The following NREP variants were observed in gnomAD, a reference collection of about 807,000 sequenced individuals.
NREP encodes the protein neuronal regeneration-related protein.
A neutral mutation model predicts 8.6 loss-of-function variants in NREP; 5 were observed. The observed-to-expected ratio is 0.58, with a 90% CI of 0.30 to 1.22. The LOEUF (loss-of-function observed/expected upper bound fraction) is 1.22, where lower values mean the gene tolerates loss of function less well. Ranked by LOEUF, NREP falls within the 50% of genes most tolerant of loss-of-function variation. The pLI, the probability that NREP is intolerant of heterozygous loss-of-function variation, is 0.07. For synonymous variants in NREP, 27 were observed against 28.0 expected (o/e 0.96, Z 0.11); for missense variants, 86 against 82.5 (o/e 1.04, Z -0.17).
intron 2 of NREP, among the ~76,000 whole-genome samples, chr5:111,970,832 A>C (rs1181297418): frequency 6.6e-6 from 1 of 150,436 alleles, no homozygotes; most frequent in Non-Finnish European, 1.5e-5. Context: ...TCTCAAAAAA[A>C]AAAAAAAAAA....
At chr5:111,967,678 C>T (rs1467024781) in intron 2 of NREP, among the ~76,000 whole-genome samples, 1 of 151,794 alleles carries the variant, frequency 6.6e-6, no homozygotes, top group African/African-American at 2.4e-5. Context: ...CAGCTGCCGC[C>T]CCATCTGGGA....
intron 2 of NREP, among the ~76,000 whole-genome samples, chr5:111,869,661 A>C (rs1162932368): frequency 6.6e-6 from 1 of 152,180 alleles, no homozygotes; most frequent in Non-Finnish European, 1.5e-5. Context: ...CGGAATCATG[A>C]GGATTCTCCT....
chr5:111,883,165 G>A (rs1453518909), intron 2 of NREP, among the ~76,000 whole-genome samples: 1 of 152,162 alleles, frequency 6.6e-6, no homozygotes, highest in African/African-American at 2.4e-5. Context: ...AAAAAAGGCA[G>A]GGGTTGCAAT....
chr5:111,892,555 T>C (rs1754419309), intron 2 of NREP, among the ~76,000 whole-genome samples: 1 of 152,068 alleles, frequency 6.6e-6, no homozygotes, highest in African/African-American at 2.4e-5. Context: ...AAACTAAAGT[T>C]AGAAATAAAG....
At chr5:111,927,977 C>T (rs968325044) in intron 2 of NREP, among the ~76,000 whole-genome samples, 8 of 152,050 alleles carry the variant, frequency 5.3e-5, no homozygotes, top group Non-Finnish European at 7.4e-5. Context: ...TCATAGGCCC[C>T]GGACTGGAAA....
chr5:111,896,218 A>T (rs988721790), intron 2 of NREP, among the ~76,000 whole-genome samples: 1 of 152,218 alleles, frequency 6.6e-6, no homozygotes, highest in Non-Finnish European at 1.5e-5. Context: ...GGTGGCAACC[A>T]TAAAGATGAA....
At chr5:111,767,274 A>G (rs909824678) in intron 2 of NREP, among the ~76,000 whole-genome samples, 1 of 151,958 alleles carries the variant, frequency 6.6e-6, no homozygotes, top group Non-Finnish European at 1.5e-5. Context: ...CACAAAATGT[A>G]CCATAAATTA....
intron 2 of NREP, among the ~76,000 whole-genome samples, chr5:111,865,091 G>A (rs542127586): frequency 6.6e-6 from 1 of 152,206 alleles, no homozygotes; most frequent in East Asian, 1.9e-4. Flanking sequence ...GCAATAGACA[G>A]CATGCTCCTC....
intron 2 of NREP, among the ~76,000 whole-genome samples, chr5:111,842,369 A>T (rs1402118265): frequency 6.6e-6 from 1 of 152,198 alleles, no homozygotes; most frequent in African/African-American, 2.4e-5. Context: ...AGGAGAAACT[A>T]GCACCAAGTT....
chr5:111,793,568 A>G (rs1248020248), intron 2 of NREP, among the ~76,000 whole-genome samples: 1 of 152,118 alleles, frequency 6.6e-6, no homozygotes, highest in East Asian at 1.9e-4. Context: ...TACTCAGTCT[A>G]CTGATTCAAA....
intron 2 of NREP, among the ~76,000 whole-genome samples, chr5:111,802,290 T>C (rs1423283109): frequency 6.6e-6 from 1 of 151,844 alleles, no homozygotes; most frequent in Non-Finnish European, 1.5e-5. Context: ...TAAGAAGGTG[T>C]CAAATACACT....
At chr5:111,931,638 A>G (rs1755539392) in intron 2 of NREP, among the ~76,000 whole-genome samples, 1 of 152,130 alleles carries the variant, frequency 6.6e-6, no homozygotes, top group Non-Finnish European at 1.5e-5. Context: ...GTTTTAACTC[A>G]TTAAGTTTTG....
intron 2 of NREP, among the ~76,000 whole-genome samples, chr5:111,783,081 T>C (rs1210618950): frequency 1.3e-5 from 2 of 152,090 alleles, no homozygotes; most frequent in Non-Finnish European, 2.9e-5. Flanking sequence ...GGTGAACTCA[T>C]GGTAAGAATG....
intron 2 of NREP, among the ~76,000 whole-genome samples, chr5:111,951,919 T>C (rs546494188): frequency 2.2e-4 from 34 of 152,210 alleles, no homozygotes; most frequent in Non-Finnish European, 4.1e-4. Flanking sequence ...AAGATGAGGC[T>C]AAGGCACAAA....
At chr5:111,760,448 C>T (rs1277712779), upstream of NREP, among the ~76,000 whole-genome samples, 6 of 152,168 alleles carry the variant, frequency 3.9e-5, no homozygotes, top group African/African-American at 9.7e-5. Context: ...AGGCGATGTC[C>T]TTATCTTCAT....
chr5:111,792,451 T>C (rs1751772896), intron 2 of NREP, among the ~76,000 whole-genome samples: 1 of 152,202 alleles, frequency 6.6e-6, no homozygotes, highest in Non-Finnish European at 1.5e-5. Flanking sequence ...AAAATAATTG[T>C]AAAGATTGTG....
At chr5:111,944,458 C>T (rs886324655) in intron 2 of NREP, among the ~76,000 whole-genome samples, 1 of 152,026 alleles carries the variant, frequency 6.6e-6, no homozygotes, top group Non-Finnish European at 1.5e-5. Context: ...TAGGCATGTA[C>T]CACCATGCCT....
intron 2 of NREP, among the ~76,000 whole-genome samples, chr5:111,797,810 T>C (rs913033000): frequency 1.3e-5 from 2 of 152,214 alleles, no homozygotes; most frequent in African/African-American, 4.8e-5. Flanking sequence ...ATCGGTTTTC[T>C]CAGAAAAGGG....
chr5:111,830,250 T>G (rs181127279), intron 2 of NREP, among the ~76,000 whole-genome samples: 1 of 152,300 alleles, frequency 6.6e-6, no homozygotes, highest in African/African-American at 2.4e-5. Flanking sequence ...CCCCTAAAGA[T>G]CGGACACTCC....
Sources: allele counts gnomAD v4.1 joint callset (sites outside exome capture counted in the v4.1 genomes callset), GRCh38; gene constraint gnomAD v4.1.1; transcripts MANE v1.5; gene names NCBI Gene and HGNC (gene_info 2026-07-23, HGNC 2026-07-21).